The following NXPH1 variants were observed in gnomAD, a reference collection of about 807,000 sequenced individuals.
NXPH1 encodes neurexophilin-1.
A neutral mutation model predicts 23.7 loss-of-function variants in NXPH1; 5 were observed. The ratio of observed to expected loss-of-function variants is 0.21; its 90% CI spans 0.11 to 0.44. The LOEUF (loss-of-function observed/expected upper bound fraction) is 0.44. Ranked by LOEUF, NXPH1 falls within the 20% of genes least tolerant of loss-of-function variation. The pLI, the probability that NXPH1 is intolerant of heterozygous loss-of-function variation, is 0.99. For synonymous variants in NXPH1, 144 were observed against 122.2 expected (o/e 1.18, Z -1.18); for missense variants, 324 against 321.6 (o/e 1.01, Z -0.06).
chr7:8,711,226 AC>A (rs1431608713), intron 2 of NXPH1, among the ~76,000 whole-genome samples: 1 of 151,790 alleles, frequency 6.6e-6, no homozygotes, highest in Non-Finnish European at 1.5e-5. Context: ...TTATTTTTTG[AC>A]CCCATTGGCC....
intron 2 of NXPH1, among the ~76,000 whole-genome samples, chr7:8,470,616 C>T (rs1431968555): frequency 6.6e-6 from 1 of 152,102 alleles, no homozygotes; most frequent in Non-Finnish European, 1.5e-5. Context: ...AGTGTCAGAC[C>T]TTTACTGGAA....
chr7:8,518,082 A>G (rs533369406), intron 2 of NXPH1, among the ~76,000 whole-genome samples: 1 of 152,304 alleles, frequency 6.6e-6, no homozygotes, highest in Non-Finnish European at 1.5e-5. Context: ...GTATGCCTTC[A>G]TCTAAATTAT....
At chr7:8,596,117 A>G (rs936382028) in intron 2 of NXPH1, among the ~76,000 whole-genome samples, 10 of 152,042 alleles carry the variant, frequency 6.6e-5, no homozygotes, top group African/African-American at 2.4e-4. Context: ...GCATTATTCA[A>G]TTTTTATACT....
At chr7:8,677,287 A>G (rs1820966014) in intron 2 of NXPH1, among the ~76,000 whole-genome samples, 2 of 152,230 alleles carry the variant, frequency 1.3e-5, no homozygotes, top group Non-Finnish European at 2.9e-5. Context: ...TAACATTTAT[A>G]CTAAGATCTG....
intron 2 of NXPH1, among the ~76,000 whole-genome samples, chr7:8,527,133 G>A (rs573856982): frequency 7.2e-4 from 109 of 152,276 alleles, no homozygotes; most frequent in African/African-American, 2.6e-3. Context: ...TCTCATTAGT[G>A]GCCAAAGTAA....
intron 2 of NXPH1, among the ~76,000 whole-genome samples, chr7:8,630,955 T>C (rs905241057): frequency 2.6e-5 from 4 of 152,118 alleles, no homozygotes; most frequent in Non-Finnish European, 4.4e-5. Flanking sequence ...GGCCTCAGTA[T>C]GTGTTGTTCC....
At chr7:8,745,529 G>C (rs1461692671) in intron 2 of NXPH1, among the ~76,000 whole-genome samples, 3 of 151,716 alleles carry the variant, frequency 2.0e-5, no homozygotes, top group African/African-American at 7.3e-5. Context: ...TCTTACATTT[G>C]ACACGTCCTT....
chr7:8,436,126 G>A (rs748730290), intron 2 of NXPH1, among the ~76,000 whole-genome samples: 1 of 152,158 alleles, frequency 6.6e-6, no homozygotes, highest in Non-Finnish European at 1.5e-5. Flanking sequence ...TTTAAACGAA[G>A]GGAAGTGGGG....
intron 2 of NXPH1, among the ~76,000 whole-genome samples, chr7:8,713,860 G>T (rs1779835086): frequency 6.6e-6 from 1 of 152,140 alleles, no homozygotes; most frequent in Non-Finnish European, 1.5e-5. Flanking sequence ...CTTGGGAAGG[G>T]GTGAACACAA....
At chr7:8,513,764 C>A (rs1005062702) in intron 2 of NXPH1, among the ~76,000 whole-genome samples, 2 of 152,066 alleles carry the variant, frequency 1.3e-5, no homozygotes, top group African/African-American at 4.8e-5. Flanking sequence ...CCACCTATGT[C>A]CTATGGTTTG....
chr7:8,473,859 G>A (rs568387558), intron 2 of NXPH1, among the ~76,000 whole-genome samples: 4 of 151,864 alleles, frequency 2.6e-5, no homozygotes, highest in Admixed American at 6.6e-5. Flanking sequence ...CCAAAGAACC[G>A]ACGGTTTCAG....
intron 2 of NXPH1, among the ~76,000 whole-genome samples, chr7:8,564,310 T>A (rs1393894836): frequency 2.0e-5 from 3 of 151,810 alleles, no homozygotes; most frequent in Admixed American, 2.0e-4. Flanking sequence ...AGTAAATTAA[T>A]TTCATGCCTA....
chr7:8,701,030 C>T (rs947022103), intron 2 of NXPH1, among the ~76,000 whole-genome samples: 1 of 152,038 alleles, frequency 6.6e-6, no homozygotes, highest in East Asian at 1.9e-4. Context: ...GAAAGTTTCA[C>T]CACTCTCTCA....
At chr7:8,449,288 C>G (rs867397325) in intron 2 of NXPH1, among the ~76,000 whole-genome samples, 2 of 152,294 alleles carry the variant, frequency 1.3e-5, no homozygotes, top group South Asian at 4.2e-4. Flanking sequence ...TGCCCCCTTC[C>G]AAGGCATTGC....
At position 8,602,132 on chromosome 7, in the gene NXPH1, C is replaced by T. The variant is rs553763762; in HGVS notation, c.55-148876C>T. Among the ~76,000 whole-genome samples the T allele has an allele frequency of 3.7e-4, 56 of 152,214 alleles. No individual in the cohort carries two copies. In the East Asian group the frequency reaches 6.6e-3, roughly 18 times the overall value. Reference sequence around the variant, plus strand: ...TTCATTGTAAAACATTTAGAAAATGCCAATAGGCAAGAGTAGTTAAATTCT... The same window carrying T: ...TTCATTGTAAAACATTTAGAAAATGTCAATAGGCAAGAGTAGTTAAATTCT... On this transcript the variant is annotated intron_variant, in intron 2 of 2. Transcript: ENST00000405863.
chr7:8,688,970 GT>G (rs2115182100), intron 2 of NXPH1, among the ~76,000 whole-genome samples: 1 of 152,166 alleles, frequency 6.6e-6, no homozygotes, highest in Admixed American at 6.6e-5. Flanking sequence ...CATGGTCTTT[GT>G]TTTTGATCTC....
At chr7:8,671,029 G>A (rs564791936) in intron 2 of NXPH1, among the ~76,000 whole-genome samples, 7 of 152,208 alleles carry the variant, frequency 4.6e-5, no homozygotes, top group South Asian at 4.2e-4. Context: ...TTGCCCTACC[G>A]TGGTCTGTGG....
intron 2 of NXPH1, among the ~76,000 whole-genome samples, chr7:8,480,883 A>G (rs1232331253): frequency 3.3e-5 from 5 of 152,192 alleles, no homozygotes; most frequent in African/African-American, 1.2e-4. Context: ...CCACACATTT[A>G]GTTGTTGTCA....
chr7:8,597,044 C>T (rs935599141), intron 2 of NXPH1, among the ~76,000 whole-genome samples: 14 of 151,964 alleles, frequency 9.2e-5, no homozygotes, highest in African/African-American at 2.7e-4. Context: ...TAAAGAGAGC[C>T]CTTCCAGGTG....
Sources: allele counts gnomAD v4.1 joint callset (sites outside exome capture counted in the v4.1 genomes callset), GRCh38; gene constraint gnomAD v4.1.1; transcripts MANE v1.5; gene names NCBI Gene and HGNC (gene_info 2026-07-23, HGNC 2026-07-21).